CACNA1A: variants seen among roughly 807,000 people sequenced by gnomAD.
The protein encoded by CACNA1A is voltage-dependent P/Q-type calcium channel subunit alpha-1A.
CACNA1A carries 57 observed loss-of-function variants against 262.4 expected under a neutral mutation model. The ratio of observed to expected loss-of-function variants is 0.22; its 90% CI spans 0.18 to 0.27. CACNA1A has a LOEUF of 0.27. CACNA1A is among the 10% of genes least tolerant of loss of function. The pLI is 1.00. For missense variants in CACNA1A, 2,526 were observed against 3,562.8 expected (o/e 0.71, Z 7.41); for synonymous variants, 1,431 against 1,419.3 (o/e 1.01, Z -0.18).
chr19:13,300,126 G>A (rs1481768346), intron 18 of CACNA1A, among the ~76,000 whole-genome samples: 1 of 152,092 alleles, frequency 6.6e-6, no homozygotes, highest in South Asian at 2.1e-4. Flanking sequence ...CCGGGACTGG[G>A]GACCCCTATT....
chr19:13,282,138 C>G (rs1299338720), intron 22 of CACNA1A, among the ~76,000 whole-genome samples: 1 of 152,194 alleles, frequency 6.6e-6, no homozygotes, highest in Admixed American at 6.5e-5. Flanking sequence ...TATTTCCTTC[C>G]ATCTCCCCCA....
chr19:13,288,292 T>A (rs1487429576), intron 19 of CACNA1A, among the ~76,000 whole-genome samples: 1 of 151,028 alleles, frequency 6.6e-6, no homozygotes, highest in Non-Finnish European at 1.5e-5. Flanking sequence ...CAGGCTGGAG[T>A]GCAGTGGCAG....
chr19:13,312,504 A>G (rs1316295271), intron 12 of CACNA1A, 165 bp downstream of exon 12: 1 of 561,066 alleles, frequency 1.8e-6, no homozygotes, highest in South Asian at 2.5e-5. Flanking sequence ...TTCTGGGTAC[A>G]CTGTATCCTT....
intron 28 of CACNA1A, chr19:13,256,314 A>T (rs1257345562): frequency 6.6e-6 from 1 of 152,060 alleles, no homozygotes; most frequent in Non-Finnish European, 1.5e-5. Flanking sequence ...TTCTTACTGA[A>T]TACTTTGCTG....
At chr19:13,365,613 T>C (rs2059196072) in intron 4 of CACNA1A, 144 bp from the exon 5 acceptor site, 6 of 622,246 alleles carry the variant, frequency 9.6e-6, no homozygotes, top group African/African-American at 3.7e-5. Flanking sequence ...GATTGGGCAA[T>C]GGTGAAGGAA....
intron 10 of CACNA1A, among the ~76,000 whole-genome samples, chr19:13,328,939 T>A (rs902888408): frequency 6.6e-6 from 1 of 152,078 alleles, no homozygotes; most frequent in African/African-American, 2.4e-5. Flanking sequence ...CCTCTTTCTC[T>A]TGCCATCCTT....
At chr19:13,384,615 G>T (rs1055410261) in intron 3 of CACNA1A, among the ~76,000 whole-genome samples, 1 of 152,098 alleles carries the variant, frequency 6.6e-6, no homozygotes, top group Non-Finnish European at 1.5e-5. Flanking sequence ...CAGGAGAATC[G>T]CTTGAACCTG....
intron 5 of CACNA1A, chr19:13,364,100 C>G (rs944993710): frequency 6.6e-6 from 1 of 152,276 alleles, no homozygotes; most frequent in African/African-American, 2.4e-5. Context: ...TCACCCTACC[C>G]CCAGACCCAG....
At chr19:13,374,879 C>T (rs944681512) in intron 3 of CACNA1A, among the ~76,000 whole-genome samples, 34 of 152,126 alleles carry the variant, frequency 2.2e-4, no homozygotes, top group Non-Finnish European at 7.4e-5. Flanking sequence ...CTGTGTTGCC[C>T]AGGCTGGCCT....
At chr19:13,297,102 C>T (rs2057680366) in intron 19 of CACNA1A, among the ~76,000 whole-genome samples, 1 of 152,126 alleles carries the variant, frequency 6.6e-6, no homozygotes, top group Non-Finnish European at 1.5e-5. Flanking sequence ...TCTAAATTTA[C>T]CGAGCACTTA....
intron 19 of CACNA1A, among the ~76,000 whole-genome samples, chr19:13,288,738 T>C (rs111368069): frequency 0.029 from 4,447 of 152,156 alleles, 215 homozygotes; most frequent in African/African-American, 0.097. Context: ...TACAGACCCC[T>C]GGACAACACA....
chr19:13,471,460 AG>A (rs1418238304), intron 1 of CACNA1A, among the ~76,000 whole-genome samples: 4 of 152,170 alleles, frequency 2.6e-5, no homozygotes, highest in Non-Finnish European at 4.4e-5. Flanking sequence ...CTCCCCCTAC[AG>A]CTGATGTATC....
At chr19:13,465,352 C>T (rs1298027183) in intron 1 of CACNA1A, among the ~76,000 whole-genome samples, 1 of 152,192 alleles carries the variant, frequency 6.6e-6, no homozygotes, top group Non-Finnish European at 1.5e-5. Context: ...ATGTGTGGTC[C>T]ACTCACTGAA....
chr19:13,406,489 A>G (rs755178337), intron 3 of CACNA1A, among the ~76,000 whole-genome samples: 1 of 102,774 alleles, frequency 9.7e-6, no homozygotes, highest in African/African-American at 4.3e-5. Context: ...ATATATATAT[A>G]TATATATATA....
At chr19:13,490,131 A>C (rs1391590558) in intron 1 of CACNA1A, among the ~76,000 whole-genome samples, 1 of 152,150 alleles carries the variant, frequency 6.6e-6, no homozygotes, top group Non-Finnish European at 1.5e-5. Context: ...GAGAAAAGTA[A>C]ATGACCAGCA....
intron 10 of CACNA1A, among the ~76,000 whole-genome samples, chr19:13,324,685 T>A (rs978247164): frequency 3.3e-5 from 5 of 151,376 alleles, no homozygotes; most frequent in African/African-American, 1.2e-4. Context: ...CTGGGCAACA[T>A]AGCCAGACCC....
Position 13,214,017 on chromosome 19 carries a change from T to C in CACNA1A, c.5940+216A>G. On this transcript the variant is annotated intron_variant, in intron 40 of 46. Transcript: ENST00000360228. This position sits in a 1 kb window ranked among gnomAD's most constrained non-coding sequence, Gnocchi z 4.1. ...TTATTTTGTAGAGATGGAGTCTCAC[T>C]GTGTTGCCCAGGGTGGTCTCATCCT... The C allele has an allele frequency of 1.8e-6, 1 of 556,152 alleles. No homozygotes were observed. Among genetic ancestry groups the C allele is most frequent in the Middle Eastern group, 4.8e-4 (1 of 2,096 alleles). The allele number at this position is 556,152 out of a possible 1,614,324, so 34.5% of individuals were successfully genotyped here.
chr19:13,473,428 G>A lies in CACNA1A; in HGVS notation c.294-18216C>T, dbSNP rs147355716. On this transcript the variant is annotated intron_variant, in intron 1 of 46. Coordinates refer to ENST00000360228, the MANE Select transcript of CACNA1A (RefSeq NM_001127222.2). ...CAAGGAAGCATTCTTCTCTAGAGCC[G>A]TCCAAGGGAGCTCAGCACTGCTGAT... Among the ~76,000 whole-genome samples the A allele has an allele frequency of 1.7e-3, 255 of 152,238 alleles. 1 individual carries two copies. Among genetic ancestry groups the A allele is most frequent in the African/African-American group, 5.7e-3 (238 of 41,532 alleles).
intron 30 of CACNA1A, 101 bp from the exon 31 acceptor site, chr19:13,245,366 G>T: frequency 2.4e-6 from 2 of 842,840 alleles, no homozygotes; most frequent in African/African-American, 3.3e-5. Flanking sequence ...GCCCATCAGC[G>T]GAGTGCCCGG....
Sources: allele counts gnomAD v4.1 joint callset (sites outside exome capture counted in the v4.1 genomes callset), GRCh38; gene constraint gnomAD v4.1.1; non-coding constraint Gnocchi (gnomAD v3.1); transcripts MANE v1.5; gene names NCBI Gene and HGNC (gene_info 2026-07-23, HGNC 2026-07-21).